The following ADGRA3 variants were observed in gnomAD, a reference collection of about 807,000 sequenced individuals.
ADGRA3 encodes adhesion G protein-coupled receptor A3.
In ADGRA3, 56 loss-of-function variants were observed where a neutral mutation model predicts 119.8. The observed-to-expected ratio is 0.47, with a 90% CI of 0.38 to 0.58. The LOEUF (loss-of-function observed/expected upper bound fraction) is 0.58. ADGRA3 is among the 20% of genes least tolerant of loss of function. The probability of loss-of-function intolerance (pLI) is 0.00; values close to 1 mark genes in which losing one functional copy is unlikely to be tolerated. For missense variants in ADGRA3, 1,516 were observed against 1,649.0 expected, an observed-to-expected ratio of 0.92 and a Z score of 1.40; for synonymous variants, 607 against 623.8, an observed-to-expected ratio of 0.97 and a Z score of 0.40.
intron 1 of ADGRA3, among the ~76,000 whole-genome samples, chr4:22,493,757 A>T (rs539010060): frequency 7.2e-5 from 11 of 152,276 alleles, no homozygotes; most frequent in Middle Eastern, 3.4e-3. Flanking sequence ...TGAGGCTAAG[A>T]CCTATTGGGC....
intron 12 of ADGRA3, chr4:22,420,079 C>A (rs1715588955): frequency 6.6e-6 from 1 of 152,502 alleles, no homozygotes; most frequent in Non-Finnish European, 1.5e-5. Context: ...TCACACTAAA[C>A]CAGAACACCT....
chr4:22,397,716 C>T (rs1468808942), intron 16 of ADGRA3, among the ~76,000 whole-genome samples: 2 of 152,086 alleles, frequency 1.3e-5, no homozygotes, highest in African/African-American at 4.8e-5. Context: ...TTCATGAGAT[C>T]TGATGGTTTT....
intron 1 of ADGRA3, among the ~76,000 whole-genome samples, chr4:22,502,447 T>C (rs1719080242): frequency 6.6e-6 from 1 of 152,172 alleles, no homozygotes; most frequent in South Asian, 2.1e-4. Context: ...AGATATATCA[T>C]ATGCTAGACA....
At chr4:22,412,941 A>C (rs1188352898) in intron 14 of ADGRA3, among the ~76,000 whole-genome samples, 1 of 152,124 alleles carries the variant, frequency 6.6e-6, no homozygotes, top group African/African-American at 2.4e-5. Flanking sequence ...TTGACTTATA[A>C]AGTTGATTTA....
intron 14 of ADGRA3, among the ~76,000 whole-genome samples, chr4:22,411,731 C>CT (rs1282690575): frequency 1.3e-5 from 2 of 152,132 alleles, no homozygotes; most frequent in Non-Finnish European, 2.9e-5. Flanking sequence ...ACTGTCAACA[C>CT]TAAAGTTAAT....
intron 10 of ADGRA3, among the ~76,000 whole-genome samples, chr4:22,432,718 A>C (rs550984060): frequency 6.6e-6 from 1 of 152,300 alleles, no homozygotes; most frequent in African/African-American, 2.4e-5. Flanking sequence ...ACAACCTTTA[A>C]CTGTTTTTAA....
intron 16 of ADGRA3, among the ~76,000 whole-genome samples, chr4:22,399,034 A>G (rs1006918522): frequency 6.6e-6 from 1 of 152,184 alleles, no homozygotes; most frequent in African/African-American, 2.4e-5. Flanking sequence ...AAGACTTGGC[A>G]TTGTCAGGCT....
intron 1 of ADGRA3, among the ~76,000 whole-genome samples, chr4:22,508,351 C>G (rs1187260126): frequency 2.0e-5 from 3 of 152,174 alleles, no homozygotes; most frequent in Non-Finnish European, 4.4e-5. Context: ...ATAAACTGCT[C>G]AGGGGACACT....
intron 1 of ADGRA3, among the ~76,000 whole-genome samples, chr4:22,476,209 T>C (rs1245415095): frequency 6.6e-6 from 1 of 152,086 alleles, no homozygotes; most frequent in Non-Finnish European, 1.5e-5. Flanking sequence ...ACATATGGAC[T>C]CAAAGCTCAC....
At chr4:22,473,888 C>T in intron 1 of ADGRA3, 45 bp from the exon 2 acceptor site, 1 of 1,140,428 alleles carries the variant, frequency 8.8e-7, no homozygotes, top group Non-Finnish European at 1.3e-6. Flanking sequence ...TATACACTAC[C>T]AATATCAAAG....
intron 1 of ADGRA3, among the ~76,000 whole-genome samples, chr4:22,504,055 C>G (rs1719148200): frequency 6.6e-6 from 1 of 152,016 alleles, no homozygotes; most frequent in African/African-American, 2.4e-5. Context: ...AATAAAAATT[C>G]TAAATAGAAT....
At chr4:22,441,221 A>G (rs1323874315) in intron 7 of ADGRA3, among the ~76,000 whole-genome samples, 1 of 152,182 alleles carries the variant, frequency 6.6e-6, no homozygotes, top group East Asian at 1.9e-4. Context: ...CCAAACTTCT[A>G]TGTATAAAAT....
Position 22,392,529 on chromosome 4 carries a change from C to CA in ADGRA3, c.2627+15dup, listed in dbSNP as rs773289298. 2 of 1,610,792 alleles carry CA rather than the reference C, an allele frequency of 1.2e-6. No homozygotes were observed. Among genetic ancestry groups the CA allele is most frequent in the African/African-American group, 2.7e-5 (2 of 74,750 alleles). Reference sequence around the variant, plus strand: ...AAAGCAAACAAAACAATTAATACAACAAAGATATGAGATACCTGAGCATTG... The same window carrying CA: ...AAAGCAAACAAAACAATTAATACAACAAAAGATATGAGATACCTGAGCATTG... On this transcript the variant is annotated intron_variant, in intron 17 of 18. Transcript: ENST00000334304.
At chr4:22,495,834 G>A (rs1870956) in intron 1 of ADGRA3, among the ~76,000 whole-genome samples, 12,463 of 152,076 alleles carry the variant, frequency 0.082, 659 homozygotes, top group Middle Eastern at 0.12. Flanking sequence ...GCGTGAACCC[G>A]AGAGGCGGAG....
chr4:22,454,929 G>A lies in ADGRA3; in HGVS notation c.410C>T (p.Thr137Ile). ...ATTCAGACATCCTATTCGATTGTTT[G>A]TCAGATCCCTAAGGAGAAGGGTGGA... ...GLSSLKRLDL[T>I]NNRIGCLNAD... The change falls in exon 4 of 19, where the codon ACA becomes ATA. Residue 137 changes from threonine to isoleucine, a missense_variant. Physicochemically the swap from Thr to Ile is moderately conservative, Grantham distance 89. Coordinates refer to ENST00000334304, the MANE Select transcript of ADGRA3 (RefSeq NM_145290.4). 6.2e-7 allele frequency: 1 copy of A among 1,612,896 alleles called. No homozygotes were observed. Among genetic ancestry groups the A allele is most frequent in the Non-Finnish European group, 8.5e-7 (1 of 1,178,944 alleles).
At chr4:22,434,746 C>A (rs1421966584) in intron 10 of ADGRA3, among the ~76,000 whole-genome samples, 1 of 152,152 alleles carries the variant, frequency 6.6e-6, no homozygotes, top group East Asian at 1.9e-4. Flanking sequence ...TAAAAGATAT[C>A]ATGTGGACAA....
In ADGRA3 at chr4:22,388,625, C is replaced by G. The variant is rs2108989407; in HGVS notation, c.3046G>C (p.Ala1016Pro). The change falls in exon 19 of 19, where the codon GCT becomes CCT. Residue 1016 changes from alanine to proline, a missense_variant. This residue lies in a region of ADGRA3 where 1,088 missense variants were observed against 1,107.1 expected (regional missense o/e 0.98). Transcript: ENST00000334304. Reference protein sequence around the residue: ...YVALWMFGALAVSLYYPLDLV... With the variant: ...YVALWMFGALPVSLYYPLDLV... ...TCCAAAGGGTAATACAAAGAAACAG[C>G]CAAAGCCCCAAACATCCACAGTGCA... 1 of 1,614,004 alleles carries G rather than the reference C, an allele frequency of 6.2e-7. No individual in the cohort carries two copies. The highest frequency in any genetic ancestry group is 8.5e-7 in the Non-Finnish European group (1 of 1,180,004).
intron 13 of ADGRA3, 78 bp from the exon 14 acceptor site, chr4:22,413,468 G>A (rs1459250100): frequency 7.2e-7 from 1 of 1,396,382 alleles, no homozygotes; most frequent in East Asian, 2.3e-5. Context: ...TACAGTAATG[G>A]GTACTCTGCA....
chr4:22,512,008 T>A (rs968649536), intron 1 of ADGRA3, among the ~76,000 whole-genome samples: 3 of 148,418 alleles, frequency 2.0e-5, no homozygotes, highest in Admixed American at 1.4e-4. Flanking sequence ...GCGATTCTCC[T>A]GCCTGCCTCA....
Sources: gnomAD v4.1 joint callset for allele counts (sites outside exome capture counted in the v4.1 genomes callset) on GRCh38, gnomAD v4.1.1 for gene constraint, gnomAD v4.1.1 regional missense constraint, MANE v1.5 for transcripts, NCBI Gene and HGNC (gene_info 2026-07-23, HGNC 2026-07-21) for gene names.